The following CADM1 variants were observed in gnomAD, a reference collection of about 807,000 sequenced individuals.
CADM1 encodes cell adhesion molecule 1.
In CADM1, 15 loss-of-function variants were observed where a neutral mutation model predicts 53.1. That is an observed-to-expected ratio of 0.28 (90% CI 0.19 to 0.44). The LOEUF is 0.44. CADM1 is among the 20% of genes least tolerant of loss of function. CADM1 has a pLI of 1.00. For synonymous variants in CADM1, 281 were observed against 243.0 expected (o/e 1.16, Z -1.45); for missense variants, 434 against 611.3 (o/e 0.71, Z 3.06).
intron 1 of CADM1, among the ~76,000 whole-genome samples, chr11:115,273,547 T>C (rs1484051290): frequency 6.6e-6 from 1 of 152,190 alleles, no homozygotes; most frequent in African/African-American, 2.4e-5. Context: ...ATGATTTTTA[T>C]CACATATTTA....
At chr11:115,499,696 G>A (rs949770120) in intron 1 of CADM1, among the ~76,000 whole-genome samples, 8 of 152,258 alleles carry the variant, frequency 5.3e-5, no homozygotes, top group African/African-American at 1.9e-4. Flanking sequence ...CAACTGCAGA[G>A]TAAGATTCTT....
intron 1 of CADM1, among the ~76,000 whole-genome samples, chr11:115,272,543 A>G (rs1473595362): frequency 6.6e-6 from 1 of 152,140 alleles, no homozygotes; most frequent in Non-Finnish European, 1.5e-5. Context: ...CCAGCATTCC[A>G]TGAGGCTTAG....
chr11:115,381,573 C>A (rs1946580947), intron 1 of CADM1, among the ~76,000 whole-genome samples: 1 of 152,172 alleles, frequency 6.6e-6, no homozygotes, highest in South Asian at 2.1e-4. Context: ...GGGAAAGTCA[C>A]TAAGCCTTAG....
intron 1 of CADM1, among the ~76,000 whole-genome samples, chr11:115,446,631 T>C (rs1322492642): frequency 6.6e-6 from 1 of 152,176 alleles, no homozygotes; most frequent in Non-Finnish European, 1.5e-5. Flanking sequence ...AAAGTTATAG[T>C]GTAAATCAGT....
chr11:115,381,636 T>C (rs1263552991), intron 1 of CADM1, among the ~76,000 whole-genome samples: 1 of 152,174 alleles, frequency 6.6e-6, no homozygotes, highest in African/African-American at 2.4e-5. Flanking sequence ...CATTCGGTTG[T>C]TATAGGGATT....
At chr11:115,275,846 A>T (rs1481242499) in intron 1 of CADM1, among the ~76,000 whole-genome samples, 1 of 152,064 alleles carries the variant, frequency 6.6e-6, no homozygotes, top group East Asian at 1.9e-4. Flanking sequence ...ACGGAGACAT[A>T]TTTTTTTCTT....
chr11:115,217,754 T>C (rs2134776339), intron 6 of CADM1, 138 bp downstream of exon 6: 2 of 715,044 alleles, frequency 2.8e-6, no homozygotes, highest in East Asian at 5.3e-5. Context: ...TCTCACTGAA[T>C]ATTCTTTAGT....
chr11:115,397,512 A>T (rs1466905550), intron 1 of CADM1: 6 of 152,164 alleles, frequency 3.9e-5, no homozygotes, highest in Non-Finnish European at 7.3e-5. Flanking sequence ...AGGAGCAGAG[A>T]GTGAAGATCA....
At chr11:115,391,927 G>A (rs1378158236) in intron 1 of CADM1, among the ~76,000 whole-genome samples, 1 of 152,054 alleles carries the variant, frequency 6.6e-6, no homozygotes, top group Non-Finnish European at 1.5e-5. Context: ...CTAAAAAGGA[G>A]ATCACCCACA....
intron 8 of CADM1, among the ~76,000 whole-genome samples, chr11:115,207,458 C>T (rs1406006332): frequency 3.3e-5 from 5 of 151,400 alleles, no homozygotes; most frequent in Admixed American, 3.3e-4. Flanking sequence ...TGAGTTGTAG[C>T]TGTTTGAGGA....
chr11:115,278,950 G>C lies in CADM1; in HGVS notation c.125-38530C>G, dbSNP rs1236508840. Among the ~76,000 whole-genome samples, 6 of 152,212 alleles carry C rather than the reference G, an allele frequency of 3.9e-5. 1 individual carries two copies. Among genetic ancestry groups the C allele is most frequent in the Admixed American group, 3.9e-4 (6 of 15,290 alleles). On this transcript the variant is annotated intron_variant, in intron 1 of 11. Coordinates refer to ENST00000331581, the MANE Select transcript of CADM1 (RefSeq NM_001301043.2). Reference sequence around the variant, plus strand: ...TAGGACTTACTGCCGAAGATGGGAAGCCTGGAGGACGTGGGCAGGGAAAAG... The same window carrying C: ...TAGGACTTACTGCCGAAGATGGGAACCCTGGAGGACGTGGGCAGGGAAAAG...
chr11:115,284,914 G>A (rs1019413759), intron 1 of CADM1, among the ~76,000 whole-genome samples: 3 of 152,140 alleles, frequency 2.0e-5, no homozygotes, highest in African/African-American at 7.2e-5. Context: ...TTACTTCCTA[G>A]TTAAATGGAC....
Position 115,221,140 on chromosome 11 carries a change from A to G in CADM1, c.722-3149T>C, listed in dbSNP as rs569491192. Among the ~76,000 whole-genome samples the G allele has an allele frequency of 7.9e-5, 12 of 152,330 alleles. No homozygotes were observed. The South Asian group carries it at 2.5e-3, about 32-fold the overall frequency. On this transcript the variant is annotated intron_variant, in intron 5 of 11. Transcript: ENST00000331581. ...CGATACTTTCTACCCAAGTGCAATA[A>G]CTGCCCAGAAATGTATCACTCAGAA...
At chr11:115,481,353 T>G (rs748947402) in intron 1 of CADM1, among the ~76,000 whole-genome samples, 3 of 152,216 alleles carry the variant, frequency 2.0e-5, no homozygotes, top group East Asian at 1.9e-4. Context: ...CTCACTCACC[T>G]TCTTAGATGC....
At chr11:115,202,601 C>A (rs535488803) in intron 8 of CADM1, among the ~76,000 whole-genome samples, 1 of 152,228 alleles carries the variant, frequency 6.6e-6, no homozygotes, top group Admixed American at 6.5e-5. Context: ...TAAATTCTCT[C>A]ATTTTTGATT....
At chr11:115,186,400 G>T (rs1399865479) in intron 10 of CADM1, among the ~76,000 whole-genome samples, 1 of 152,128 alleles carries the variant, frequency 6.6e-6, no homozygotes, top group African/African-American at 2.4e-5. Flanking sequence ...TATGCCTGAT[G>T]GGCTGCAGAG....
intron 1 of CADM1, among the ~76,000 whole-genome samples, chr11:115,277,234 C>A (rs1055842397): frequency 1.1e-4 from 17 of 152,158 alleles, no homozygotes; most frequent in African/African-American, 3.9e-4. Context: ...CCTGAAAGCT[C>A]ACATCAACCA....
chr11:115,186,950 C>G (rs1308925830), intron 10 of CADM1, among the ~76,000 whole-genome samples: 1 of 152,224 alleles, frequency 6.6e-6, no homozygotes, highest in African/African-American at 2.4e-5. Context: ...TCCTGTTGGT[C>G]TTGTTCACTG....
At chr11:115,421,300 C>T (rs1947750093) in intron 1 of CADM1, among the ~76,000 whole-genome samples, 1 of 152,228 alleles carries the variant, frequency 6.6e-6, no homozygotes, top group Non-Finnish European at 1.5e-5. Context: ...TTCAGCTAAC[C>T]TTAACCAAAT....
Sources: gnomAD v4.1 joint callset for allele counts (sites outside exome capture counted in the v4.1 genomes callset) on GRCh38, gnomAD v4.1.1 for gene constraint, MANE v1.5 for transcripts, NCBI Gene and HGNC (gene_info 2026-07-23, HGNC 2026-07-21) for gene names.